Variants in GRB2 observed in about 807,000 individuals in gnomAD.
GRB2 encodes the protein growth factor receptor bound protein 2.
In GRB2, 2 loss-of-function variants were observed where a neutral mutation model predicts 27.4. The ratio of observed to expected loss-of-function variants is 0.07; its 90% CI spans 0.03 to 0.23. The LOEUF is 0.23. Ranked by LOEUF, GRB2 falls within the 10% of genes least tolerant of loss-of-function variation. GRB2 has a pLI of 1.00. For missense variants in GRB2, 102 were observed against 282.4 expected (o/e 0.36, Z 4.58); for synonymous variants, 94 against 99.6 (o/e 0.94, Z 0.33).
At chr17:75,376,344 CAAAAAA>C (rs71159502) in intron 2 of GRB2, among the ~76,000 whole-genome samples, 7 of 74,490 alleles carry the variant, frequency 9.4e-5, no homozygotes, top group South Asian at 5.9e-4. Context: ...GACTCTGTCT[CAAAAAA>C]AAAAAAAAAA....
intron 2 of GRB2, among the ~76,000 whole-genome samples, chr17:75,358,970 T>C (rs1376295493): frequency 1.4e-5 from 2 of 146,330 alleles, no homozygotes; most frequent in African/African-American, 2.5e-5. Flanking sequence ...CCCAGCACTT[T>C]GGGAGGCTGA....
At chr17:75,369,868 C>G (rs2078844882) in intron 2 of GRB2, among the ~76,000 whole-genome samples, 1 of 124,994 alleles carries the variant, frequency 8.0e-6, no homozygotes, top group African/African-American at 2.6e-5. Context: ...AAAAAAAAAA[C>G]TGTTTTTGAC....
At chr17:75,332,905 G>A (rs915121035) in intron 2 of GRB2, 108 bp from the exon 3 acceptor site, 3 of 671,670 alleles carry the variant, frequency 4.5e-6, no homozygotes, top group African/African-American at 1.8e-5. Context: ...GGTTTCACTC[G>A]AAGTATTATC....
intron 2 of GRB2, among the ~76,000 whole-genome samples, chr17:75,337,955 G>C (rs1693607884): frequency 6.9e-6 from 1 of 145,644 alleles, no homozygotes; most frequent in Non-Finnish European, 1.5e-5. Context: ...TATTGAGACA[G>C]AGTCTCACTC....
chr17:75,378,447 GGTCA>G (rs2078908505), intron 2 of GRB2, among the ~76,000 whole-genome samples: 1 of 152,050 alleles, frequency 6.6e-6, no homozygotes, highest in Non-Finnish European at 1.5e-5. Flanking sequence ...TTTTTCATGT[GGTCA>G]CCTGAGGATA....
intron 2 of GRB2, among the ~76,000 whole-genome samples, chr17:75,377,913 C>A (rs2078904507): frequency 6.6e-6 from 1 of 151,976 alleles, no homozygotes; most frequent in Non-Finnish European, 1.5e-5. Context: ...AAAAAGAAAA[C>A]AACCCACGAA....
At chr17:75,400,890 C>T (rs571075127) in intron 1 of GRB2, among the ~76,000 whole-genome samples, 3 of 152,166 alleles carry the variant, frequency 2.0e-5, no homozygotes, top group East Asian at 3.9e-4. Context: ...GCAACATACA[C>T]ATATACACCC....
chr17:75,346,578 C>CTTTTTTTTTTTTT, intron 2 of GRB2, among the ~76,000 whole-genome samples: 1 of 68,724 alleles, frequency 1.5e-5, no homozygotes, highest in Non-Finnish European at 2.5e-5. Context: ...CTTTTCTTGC[C>CTTTTTTTTTTTTT]TTTTTTTTTT....
chr17:75,368,471 G>C (rs1052702033), intron 2 of GRB2, among the ~76,000 whole-genome samples: 1 of 151,482 alleles, frequency 6.6e-6, no homozygotes, highest in Admixed American at 6.6e-5. Context: ...TGATCCATCC[G>C]CCTCAGCCTC....
At chr17:75,368,345 A>T (rs1490520224) in intron 2 of GRB2, among the ~76,000 whole-genome samples, 1 of 150,850 alleles carries the variant, frequency 6.6e-6, no homozygotes, top group South Asian at 2.1e-4. Context: ...CCTCCTGAGT[A>T]GGTGGGATTA....
At chr17:75,332,822 A>C in intron 2 of GRB2, 25 bp from the exon 3 acceptor site, 1 of 1,399,410 alleles carries the variant, frequency 7.1e-7, no homozygotes, top group Non-Finnish European at 1.0e-6. Flanking sequence ...GACAACAAAA[A>C]AACCCAATCA....
chr17:75,375,497 C>T (rs1172142713), intron 2 of GRB2, among the ~76,000 whole-genome samples: 1 of 152,208 alleles, frequency 6.6e-6, no homozygotes, highest in Non-Finnish European at 1.5e-5. Context: ...GGAGAACATT[C>T]TCAGGACAAA....
At chr17:75,389,802 G>A (rs1257079725) in intron 2 of GRB2, among the ~76,000 whole-genome samples, 1 of 152,034 alleles carries the variant, frequency 6.6e-6, no homozygotes, top group Non-Finnish European at 1.5e-5. Flanking sequence ...CCGAGATCGC[G>A]CCACTGCACT....
chr17:75,363,765 C>G (rs904544716), intron 2 of GRB2, among the ~76,000 whole-genome samples: 31 of 148,934 alleles, frequency 2.1e-4, no homozygotes, highest in African/African-American at 7.3e-4. Context: ...GAGGCTGAGG[C>G]AGGAGAATGG....
intron 4 of GRB2, among the ~76,000 whole-genome samples, chr17:75,322,305 G>A (rs369225095): frequency 8.7e-4 from 132 of 151,270 alleles, no homozygotes; most frequent in African/African-American, 2.6e-3. Context: ...CTGGGAGGCC[G>A]AGGTTGTGGT....
At chr17:75,382,814 T>G (rs1471324736) in intron 2 of GRB2, among the ~76,000 whole-genome samples, 1 of 152,188 alleles carries the variant, frequency 6.6e-6, no homozygotes, top group Non-Finnish European at 1.5e-5. Context: ...GTTCACGCCA[T>G]TCTCCTGCCT....
chr17:75,382,366 C>T lies in GRB2; in HGVS notation c.78+11185G>A, dbSNP rs183042429. Among the ~76,000 whole-genome samples, 23 of 152,272 alleles carry T rather than the reference C, an allele frequency of 1.5e-4. No homozygotes were observed. In the East Asian group the frequency reaches 4.2e-3, roughly 28 times the overall value. ...GAAAAAAACTTTCACTATGTTACTG[C>T]TAATAATTAATACAGGTTGTATATC... On this transcript the variant is annotated intron_variant, in intron 2 of 5. Coordinates refer to ENST00000316804, the MANE Select transcript of GRB2 (RefSeq NM_002086.5).
chr17:75,398,641 A>G (rs1006412330), intron 1 of GRB2, among the ~76,000 whole-genome samples: 1 of 152,250 alleles, frequency 6.6e-6, no homozygotes, highest in Non-Finnish European at 1.5e-5. Context: ...TTGGTGTTAC[A>G]TTATAATAAT....
At chr17:75,328,043 C>G (rs1169430793) in intron 3 of GRB2, among the ~76,000 whole-genome samples, 1 of 152,220 alleles carries the variant, frequency 6.6e-6, no homozygotes, top group African/African-American at 2.4e-5. Context: ...AAAGGACAGG[C>G]TGGGCCCGGT....
Sources: allele counts gnomAD v4.1 joint callset (sites outside exome capture counted in the v4.1 genomes callset), GRCh38; gene constraint gnomAD v4.1.1; transcripts MANE v1.5; gene names NCBI Gene and HGNC (gene_info 2026-07-23, HGNC 2026-07-21).